The following KIAA0930 variants were observed in gnomAD, a reference collection of about 807,000 sequenced individuals.
The protein encoded by KIAA0930 is uncharacterized protein KIAA0930.
KIAA0930 carries 24 observed loss-of-function variants against 43.9 expected under a neutral mutation model. The observed-to-expected ratio is 0.55, with a 90% CI of 0.40 to 0.77. KIAA0930 has a LOEUF of 0.77. KIAA0930 is among the 30% of genes least tolerant of loss of function. The pLI is 0.00. For synonymous variants in KIAA0930, 259 were observed against 216.4 expected (o/e 1.20, Z -1.73); for missense variants, 461 against 574.2 (o/e 0.80, Z 2.02).
At chr22:45,203,401 C>A (rs1473214908) in intron 6 of KIAA0930, among the ~76,000 whole-genome samples, 1 of 152,200 alleles carries the variant, frequency 6.6e-6, no homozygotes, top group Non-Finnish European at 1.5e-5. Flanking sequence ...AACCACGGAC[C>A]AGGCTGAGGA....
In KIAA0930 at chr22:45,203,097, G is replaced by A; in HGVS notation, c.745C>T (p.Gln249Ter). The A allele has an allele frequency of 6.2e-7, 1 of 1,613,618 alleles. No individual in the cohort carries two copies. Among genetic ancestry groups the A allele is most frequent in the Non-Finnish European group, 8.5e-7 (1 of 1,179,750 alleles). The change falls in exon 7 of 10, where the codon CAG (glutamine) becomes TAG (stop). Residue 249 changes from glutamine (Q) to a stop codon, truncating the protein, a stop_gained. Coordinates refer to ENST00000336156, the MANE Select transcript of KIAA0930 (RefSeq NM_001009880.2). LOFTEE classifies it high-confidence loss of function. ...NMEFVRMKGP[Q>*]GKGHAEMAVS... is the part of the protein sequence containing the mutation. ...GCCATCTCGGCGTGGCCCTTGCCCT[G>A]GGGGCCCTTCATGCGCACAAACTCC...
In KIAA0930 at chr22:45,203,141, A is replaced by C; in HGVS notation, c.701T>G (p.Phe234Cys). 1 of 1,612,812 alleles carries C rather than the reference A, an allele frequency of 6.2e-7. No individual in the cohort carries two copies. Among genetic ancestry groups the C allele is most frequent in the Non-Finnish European group, 8.5e-7 (1 of 1,179,432 alleles). The part of the protein sequence containing the change: ...ARMAQKMSFG[F>C]YKYSNMEFVR... ...AAACTCCATGTTGCTGTACTTGTAG[A>C]AGCCAAACGACATCTTCTGTGCCAT... Residue 234 changes from phenylalanine to cysteine, a missense_variant, in exon 7 of 10, where the codon TTC becomes TGC. Coordinates refer to ENST00000336156, the MANE Select transcript of KIAA0930 (RefSeq NM_001009880.2).
rs567968687 is a variant in KIAA0930, at chr22:45,237,673, GGAGATTTAAATTCA to G, written c.64+2953_64+2966del. ...TTTGCTAAACAACAACAAAAATCTG[GGAGATTTAAATTCA>G]TTCATAAATCTAACAGGCTGTCACA... On this transcript the variant is annotated intron_variant, in intron 1 of 9. Transcript: ENST00000336156. Among the ~76,000 whole-genome samples, 13 of 152,264 alleles carry G rather than the reference GGAGATTTAAATTCA, an allele frequency of 8.5e-5. No individual in the cohort carries two copies. The South Asian group carries it at 2.7e-3, about 32-fold the overall frequency.
chr22:45,223,319 A>C (rs1212656726), intron 1 of KIAA0930, among the ~76,000 whole-genome samples: 2 of 152,218 alleles, frequency 1.3e-5, no homozygotes, highest in Admixed American at 1.3e-4. Context: ...TTCCTATTAA[A>C]GCCAATCGTT....
chr22:45,204,650 C>T (rs2083619644), intron 5 of KIAA0930, among the ~76,000 whole-genome samples: 1 of 152,070 alleles, frequency 6.6e-6, no homozygotes, highest in South Asian at 2.1e-4. Context: ...ACCAGGGCCT[C>T]AACAGAGGAG....
chr22:45,238,802 T>G (rs944606094), intron 1 of KIAA0930, among the ~76,000 whole-genome samples: 1 of 151,996 alleles, frequency 6.6e-6, no homozygotes, highest in Non-Finnish European at 1.5e-5. Flanking sequence ...GGGCAGGCTC[T>G]GAGGTCAGGC....
At chr22:45,198,823 G>A (rs2083560323) in intron 8 of KIAA0930, among the ~76,000 whole-genome samples, 1 of 152,108 alleles carries the variant, frequency 6.6e-6, no homozygotes, top group Non-Finnish European at 1.5e-5. Context: ...CTAATTTTTT[G>A]TATTTTTAGT....
chr22:45,218,332 G>A (rs1404839583), intron 1 of KIAA0930, among the ~76,000 whole-genome samples: 2 of 49,396 alleles, frequency 4.0e-5, no homozygotes, highest in Non-Finnish European at 8.1e-5. Context: ...TAATTTTTTT[G>A]ATTTTTTTTT....
At chr22:45,205,144 C>T (rs1229492539) in intron 5 of KIAA0930, 73 bp downstream of exon 5, 17 of 1,268,922 alleles carry the variant, frequency 1.3e-5, no homozygotes, top group African/African-American at 7.4e-5. Flanking sequence ...AGGCTAAGGC[C>T]GCGGGGAGAA....
At chr22:45,217,302 A>C (rs2083739264) in intron 1 of KIAA0930, among the ~76,000 whole-genome samples, 1 of 140,734 alleles carries the variant, frequency 7.1e-6, no homozygotes, top group Admixed American at 7.6e-5. Context: ...CGGAAGTTGC[A>C]GTGAGCTAAA....
chr22:45,211,432 T>G, intron 2 of KIAA0930: 2 of 399,214 alleles, frequency 5.0e-6, no homozygotes, highest in Non-Finnish European at 8.8e-6. Flanking sequence ...CGTTTCCTCA[T>G]CTGTAAAAGG....
chr22:45,235,053 TCTC>T (rs1399118692), intron 1 of KIAA0930, among the ~76,000 whole-genome samples: 3 of 152,004 alleles, frequency 2.0e-5, no homozygotes, highest in Admixed American at 6.6e-5. Context: ...TGTTAACAAG[TCTC>T]CTGCTTGGGG....
At chr22:45,215,594 T>C (rs1185140249) in intron 1 of KIAA0930, among the ~76,000 whole-genome samples, 1 of 152,204 alleles carries the variant, frequency 6.6e-6, no homozygotes, top group African/African-American at 2.4e-5. Context: ...CCATACGGAT[T>C]CAACCAAATC....
At chr22:45,218,210 T>G (rs1384971409) in intron 1 of KIAA0930, among the ~76,000 whole-genome samples, 1 of 151,870 alleles carries the variant, frequency 6.6e-6, no homozygotes, top group Non-Finnish European at 1.5e-5. Flanking sequence ...CAGGCTGGAG[T>G]GCAATGGCAC....
intron 8 of KIAA0930, 183 bp from the exon 9 acceptor site, chr22:45,198,131 C>T: frequency 1.7e-6 from 1 of 599,466 alleles, no homozygotes; most frequent in Admixed American, 3.0e-5. Flanking sequence ...AACACCCCTC[C>T]CTGCTTCCTC....
At chr22:45,215,068 C>T (rs1271923881) in intron 1 of KIAA0930, among the ~76,000 whole-genome samples, 1 of 151,808 alleles carries the variant, frequency 6.6e-6, no homozygotes, top group East Asian at 1.9e-4. Context: ...AAATACAAAA[C>T]TTAGGTGGGT....
At chr22:45,202,942 G>C in intron 7 of KIAA0930, 48 bp downstream of exon 7, 1 of 1,494,824 alleles carries the variant, frequency 6.7e-7, no homozygotes, top group Non-Finnish European at 9.1e-7. Flanking sequence ...ACGGTGGAAA[G>C]TGAACTTGAC....
At chr22:45,213,618 G>T in intron 1 of KIAA0930, 1 of 476,896 alleles carries the variant, frequency 2.1e-6, no homozygotes, top group Non-Finnish European at 3.0e-6. Context: ...GATTATTCCT[G>T]GATAAACTTC....
chr22:45,228,736 AC>A (rs1555900864), intron 1 of KIAA0930, among the ~76,000 whole-genome samples: 6 of 27,248 alleles, frequency 2.2e-4, no homozygotes, highest in South Asian at 1.4e-3. Context: ...ATCCCTCTCC[AC>A]CCCCCTACCA....
Sources: gnomAD v4.1 joint callset for allele counts (sites outside exome capture counted in the v4.1 genomes callset) on GRCh38, gnomAD v4.1.1 for gene constraint, MANE v1.5 for transcripts, NCBI Gene and HGNC (gene_info 2026-07-23, HGNC 2026-07-21) for gene names.